ERBB4: variants seen among roughly 807,000 people sequenced by gnomAD.
ERBB4 encodes erb-b2 receptor tyrosine kinase 4.
A neutral mutation model predicts 158.0 loss-of-function variants in ERBB4; 42 were observed. The ratio of observed to expected loss-of-function variants is 0.27; its 90% CI spans 0.21 to 0.34. The LOEUF (loss-of-function observed/expected upper bound fraction) is 0.34, where lower values mean the gene tolerates loss of function less well. ERBB4 is among the 10% of genes least tolerant of loss of function. The pLI, the probability that ERBB4 is intolerant of heterozygous loss-of-function variation, is 1.00. For missense variants in ERBB4, 1,333 were observed against 1,624.1 expected (o/e 0.82, Z 3.08); for synonymous variants, 583 against 558.7 (o/e 1.04, Z -0.61).
chr2:211,669,140 T>C (rs1189095081), intron 14 of ERBB4, among the ~76,000 whole-genome samples: 3 of 150,088 alleles, frequency 2.0e-5, no homozygotes, highest in South Asian at 2.1e-4. Context: ...TGAGACTCGT[T>C]TGTGCCCAGG....
intron 3 of ERBB4, among the ~76,000 whole-genome samples, chr2:211,817,052 T>C (rs2076893846): frequency 6.6e-6 from 1 of 152,214 alleles, no homozygotes; most frequent in African/African-American, 2.4e-5. Context: ...TGGATAATTT[T>C]AGATAGTTTT....
At chr2:211,457,815 A>G (rs1170837519) in intron 20 of ERBB4, among the ~76,000 whole-genome samples, 1 of 152,204 alleles carries the variant, frequency 6.6e-6, no homozygotes, top group Non-Finnish European at 1.5e-5. Context: ...ACTTTCTTCT[A>G]TTGAGACTAT....
intron 1 of ERBB4, among the ~76,000 whole-genome samples, chr2:212,411,759 T>G (rs1162369867): frequency 6.6e-6 from 1 of 152,170 alleles, no homozygotes; most frequent in Non-Finnish European, 1.5e-5. Flanking sequence ...AGATATTTCT[T>G]CCTGAAGTTC....
intron 19 of ERBB4, among the ~76,000 whole-genome samples, chr2:211,593,982 TCA>T (rs768896325): frequency 5.3e-5 from 8 of 152,164 alleles, no homozygotes; most frequent in Non-Finnish European, 1.2e-4. Flanking sequence ...CAGGCATGAC[TCA>T]CAACCTGGTA....
chr2:212,323,022 C>G (rs1292629255), intron 1 of ERBB4, among the ~76,000 whole-genome samples: 2 of 150,266 alleles, frequency 1.3e-5, no homozygotes, highest in African/African-American at 2.4e-5. Flanking sequence ...ATTGTTAACT[C>G]ACATTTAAAA....
chr2:211,920,132 T>A (rs114538759), intron 3 of ERBB4, among the ~76,000 whole-genome samples: 7,222 of 152,050 alleles, frequency 0.047, 233 homozygotes, highest in Middle Eastern at 0.095. Context: ...ATAAGCACTG[T>A]CATGAAAAAT....
chr2:212,230,292 G>GA (rs2083619054), intron 1 of ERBB4, among the ~76,000 whole-genome samples: 1 of 151,670 alleles, frequency 6.6e-6, no homozygotes, highest in Non-Finnish European at 1.5e-5. Flanking sequence ...TGAAAAAAAA[G>GA]GAAAAAGAAT....
intron 1 of ERBB4, among the ~76,000 whole-genome samples, chr2:212,256,400 T>C (rs1481846708): frequency 1.3e-5 from 2 of 152,150 alleles, no homozygotes; most frequent in Non-Finnish European, 2.9e-5. Flanking sequence ...TTGCCTCTTG[T>C]TGGACTGTAA....
At chr2:212,215,764 A>G (rs545630568) in intron 1 of ERBB4, among the ~76,000 whole-genome samples, 3 of 151,556 alleles carry the variant, frequency 2.0e-5, no homozygotes, top group African/African-American at 7.2e-5. Context: ...TGCATATATT[A>G]TAATTATCTA....
At chr2:212,113,282 G>A (rs1413833034) in intron 2 of ERBB4, among the ~76,000 whole-genome samples, 3 of 152,092 alleles carry the variant, frequency 2.0e-5, no homozygotes, top group Non-Finnish European at 4.4e-5. Flanking sequence ...TTTATAAAGA[G>A]TAACTGGGTA....
intron 25 of ERBB4, among the ~76,000 whole-genome samples, chr2:211,416,384 A>G (rs192651458): frequency 6.6e-6 from 1 of 152,348 alleles, no homozygotes; most frequent in East Asian, 1.9e-4. Flanking sequence ...GTAATCGAAA[A>G]TATTAGGCAG....
intron 1 of ERBB4, among the ~76,000 whole-genome samples, chr2:212,299,810 ACTAT>A (rs1296020820): frequency 1.3e-5 from 2 of 151,584 alleles, no homozygotes. Flanking sequence ...TTTTTCACAA[ACTAT>A]CTATCTCTTT....
intron 2 of ERBB4, among the ~76,000 whole-genome samples, chr2:212,022,535 G>T (rs1239599466): frequency 6.6e-6 from 1 of 152,068 alleles, no homozygotes. Context: ...CCTGTCAGGG[G>T]AGTGTAGAGT....
At chr2:212,272,870 A>G (rs1330035095) in intron 1 of ERBB4, among the ~76,000 whole-genome samples, 1 of 151,666 alleles carries the variant, frequency 6.6e-6, no homozygotes, top group Non-Finnish European at 1.5e-5. Flanking sequence ...TATATTACGT[A>G]TTTGAACACA....
chr2:212,413,134 A>ATTTTTTTTTTTTTTTTTTTTTT (rs370397826), intron 1 of ERBB4, among the ~76,000 whole-genome samples: 1 of 101,256 alleles, frequency 9.9e-6, no homozygotes, highest in Non-Finnish European at 1.9e-5. Context: ...TGCGTGGCTA[A>ATTTTTTTTTTTTTTTTTTTTTT]TTTTTTTTTT....
intron 1 of ERBB4, among the ~76,000 whole-genome samples, chr2:212,458,772 G>A (rs1688429008): frequency 6.6e-6 from 1 of 152,144 alleles, no homozygotes; most frequent in South Asian, 2.1e-4. Context: ...AAGAAGGAGA[G>A]AAGGAGGTGA....
At chr2:211,709,207 G>A (rs916666186) in intron 9 of ERBB4, among the ~76,000 whole-genome samples, 9 of 143,546 alleles carry the variant, frequency 6.3e-5, no homozygotes, top group Non-Finnish European at 1.0e-4. Flanking sequence ...ACTCTGGGCC[G>A]GAGGTGACTA....
At chr2:211,491,413 T>C (rs1304767689) in intron 20 of ERBB4, among the ~76,000 whole-genome samples, 1 of 152,042 alleles carries the variant, frequency 6.6e-6, no homozygotes, top group Non-Finnish European at 1.5e-5. Flanking sequence ...GGCATTACAA[T>C]TGAACATTAC....
At chr2:212,063,793 G>T (rs561795040) in intron 2 of ERBB4, among the ~76,000 whole-genome samples, 1 of 152,236 alleles carries the variant, frequency 6.6e-6, no homozygotes, top group South Asian at 2.1e-4. Context: ...AATCATAGGG[G>T]TTAAAGGATT....
Sources: allele counts gnomAD v4.1 joint callset (sites outside exome capture counted in the v4.1 genomes callset), GRCh38; gene constraint gnomAD v4.1.1; transcripts MANE v1.5; gene names NCBI Gene and HGNC (gene_info 2026-07-23, HGNC 2026-07-21).